JAKMIP1: variants seen among roughly 807,000 people sequenced by gnomAD.
JAKMIP1 encodes janus kinase and microtubule interacting protein 1, also known as janus kinase and microtubule-interacting protein 1.
A neutral mutation model predicts 113.0 loss-of-function variants in JAKMIP1; 33 were observed. The ratio of observed to expected loss-of-function variants is 0.29; its 90% CI spans 0.22 to 0.39. JAKMIP1 has a LOEUF of 0.39. Ranked by LOEUF, JAKMIP1 falls within the 10% of genes least tolerant of loss-of-function variation. JAKMIP1 has a pLI of 1.00. For missense variants in JAKMIP1, 813 were observed against 1,080.5 expected (o/e 0.75, Z 3.47); for synonymous variants, 480 against 459.9 (o/e 1.04, Z -0.56).
At position 6,112,732 on chromosome 4, in the gene JAKMIP1, T is replaced by C. The variant is rs1715151470; in HGVS notation, c.119A>G (p.Glu40Gly). 1.2e-6 allele frequency: 2 copies of C among 1,613,802 alleles called. No individual in the cohort carries two copies. The highest frequency in any genetic ancestry group is 1.7e-6 in the Non-Finnish European group (2 of 1,179,924). Residue 40 changes from glutamate (E) to glycine (G), a missense_variant, in exon 2 of 21, where the codon GAA (glutamate) becomes GGA (glycine). Around this residue, in one of 2 missense-constraint regions of JAKMIP1, gnomAD observed 540 missense variants for 653.9 expected, o/e 0.83. Transcript: ENST00000409021. ...LTSIQIEFQQ[E>G]KSKVGKLRER... ...GACGCCAACCCCCACCTTGCTTTTT[T>C]CCTGCTGGAACTCGATCTGAATGCT...
chr4:6,106,165 C>T lies in JAKMIP1; in HGVS notation c.130-198G>A, dbSNP rs1713912546. Among the ~76,000 whole-genome samples the T allele has an allele frequency of 6.6e-6, 1 of 152,206 alleles. No individual in the cohort carries two copies. Among genetic ancestry groups the T allele is most frequent in the African/African-American group, 2.4e-5 (1 of 41,462 alleles). ...CCAGCCCCACTTAGAATCTCTCCTG[C>T]TAGTTCCCTGAGACTTTCCCTGGGG... is the stretch of plus-strand genomic sequence containing the variant. On this transcript the variant is annotated intron_variant, in intron 2 of 20. Coordinates refer to ENST00000409021, the MANE Select transcript of JAKMIP1 (RefSeq NM_001099433.2). This position sits in a 1 kb window ranked among gnomAD's most constrained non-coding sequence, Gnocchi z 5.9.
chr4:6,036,906 G>A (rs538907952), intron 18 of JAKMIP1, among the ~76,000 whole-genome samples: 1 of 152,192 alleles, frequency 6.6e-6, no homozygotes, highest in Admixed American at 6.5e-5. Context: ...CTGAGGCAGA[G>A]GTTAACCATT....
Position 6,168,609 on chromosome 4 carries a change from G to A in JAKMIP1, c.-148+31644C>T, listed in dbSNP as rs951021548. On this transcript the variant is annotated intron_variant, in intron 1 of 20. Transcript: ENST00000409021. This position sits in a 1 kb window ranked among gnomAD's most constrained non-coding sequence, Gnocchi z 4.6. ...CTAGAATAGGGAAATCCATAGGGAT[G>A]GCCAGGCACGGTGGCTCACACCTGT... Among the ~76,000 whole-genome samples the A allele has an allele frequency of 6.6e-6, 1 of 152,140 alleles. No homozygotes were observed. The highest frequency in any genetic ancestry group is 2.4e-5 in the African/African-American group (1 of 41,414).
chr4:6,067,807 C>A lies in JAKMIP1; in HGVS notation c.1303-2799G>T, dbSNP rs960046408. ...AAGCTCTTCTGCACACGCAGGTCAC[C>A]CCCCTGAGCTCCACGTTCACTCAAG... On this transcript the variant is annotated intron_variant, in intron 8 of 20. Coordinates refer to ENST00000409021, the MANE Select transcript of JAKMIP1 (RefSeq NM_001099433.2). This position sits in a 1 kb window ranked among gnomAD's most constrained non-coding sequence, Gnocchi z 4.6. Among the ~76,000 whole-genome samples, 2 of 145,660 alleles carry A rather than the reference C, an allele frequency of 1.4e-5. No homozygotes were observed. The highest frequency in any genetic ancestry group is 1.5e-5 in the Non-Finnish European group (1 of 65,498).
At chr4:6,060,334 T>C (rs28553970) in intron 11 of JAKMIP1, 90 bp downstream of exon 11, 184,590 of 948,156 alleles carry the variant, frequency 0.19, 26,320 homozygotes, top group African/African-American at 0.65. Context: ...CCCCACAGAA[T>C]GTCCCCCTTG....
rs930850889 is a variant in JAKMIP1, at chr4:6,181,158, T to C, written c.-148+19095A>G. Among the ~76,000 whole-genome samples, 4 of 152,166 alleles carry C rather than the reference T, an allele frequency of 2.6e-5. No homozygotes were observed. The highest frequency in any genetic ancestry group is 9.7e-5 in the African/African-American group (4 of 41,426). ...GTGTGGGCTTGATATGACTAGATGC[T>C]GAACAGGGCGCTCCTTGACAGACAC... On this transcript the variant is annotated intron_variant, in intron 1 of 20. Transcript: ENST00000409021. This position sits in a 1 kb window ranked among gnomAD's most constrained non-coding sequence, Gnocchi z 5.4.
At position 6,153,900 on chromosome 4, in the gene JAKMIP1, A is replaced by C. The variant is rs1721913059; in HGVS notation, c.-147-40903T>G. 6.6e-6 allele frequency among the ~76,000 whole-genome samples: 1 copy of C among 152,232 alleles called. No homozygotes were observed. The highest frequency in any genetic ancestry group is 1.5e-5 in the Non-Finnish European group (1 of 68,044). On this transcript the variant is annotated intron_variant, in intron 1 of 20. Transcript: ENST00000409021. This position sits in a 1 kb window ranked among gnomAD's most constrained non-coding sequence, Gnocchi z 4.9. ...ACACTGGTGAGCACTCTCACTGAGA[A>C]ATGCGGAACCAGCTACCCGCTCCCT... is the stretch of plus-strand genomic sequence containing the variant.
chr4:6,125,139 C>T (rs11723912), intron 1 of JAKMIP1, among the ~76,000 whole-genome samples: 137,323 of 152,170 alleles, frequency 0.9, 62,192 homozygotes, highest in East Asian at 0.97. Context: ...GGGATGTGTG[C>T]GTTTCTGCAT....
chr4:6,178,135 G>A lies in JAKMIP1; in HGVS notation c.-148+22118C>T, dbSNP rs1267474833. On this transcript the variant is annotated intron_variant, in intron 1 of 20. Transcript: ENST00000409021. The surrounding 1 kb of genome is among the most constrained non-coding windows in gnomAD (Gnocchi z 5.5). ...CCTGGAGGGGAGGGATAGGAAAGAA[G>A]GAAACAGAAGCCCAAGGCTTTGATA... Among the ~76,000 whole-genome samples, 1 of 152,206 alleles carries A rather than the reference G, an allele frequency of 6.6e-6. No individual in the cohort carries two copies. Among genetic ancestry groups the A allele is most frequent in the Non-Finnish European group, 1.5e-5 (1 of 68,044 alleles).
chr4:6,063,460 G>C (rs892106618), intron 9 of JAKMIP1, among the ~76,000 whole-genome samples: 7 of 152,222 alleles, frequency 4.6e-5, no homozygotes, highest in Non-Finnish European at 8.8e-5. Context: ...CCCTGTGCAG[G>C]ACAGGCTGAT....
rs1374181416 is a variant in JAKMIP1 at position 6,143,253 on chromosome 4, T to C, written c.-147-30256A>G. 6.6e-6 allele frequency among the ~76,000 whole-genome samples: 1 copy of C among 152,244 alleles called. No individual in the cohort carries two copies. Among genetic ancestry groups the C allele is most frequent in the South Asian group, 2.1e-4 (1 of 4,826 alleles). On this transcript the variant is annotated intron_variant, in intron 1 of 20. Coordinates refer to ENST00000409021, the MANE Select transcript of JAKMIP1 (RefSeq NM_001099433.2). The surrounding 1 kb of genome is among the most constrained non-coding windows in gnomAD (Gnocchi z 4.9). ...GCACTATCTTAATTTTTGTTTTTAT[T>C]TTCCTTTGGATACATTCTAAAAGCT...
chr4:6,042,376 T>C lies in JAKMIP1; in HGVS notation c.2029-149A>G, dbSNP rs969296522. On this transcript the variant is annotated intron_variant, in intron 16 of 20. Coordinates refer to ENST00000409021, the MANE Select transcript of JAKMIP1 (RefSeq NM_001099433.2). The surrounding 1 kb of genome is among the most constrained non-coding windows in gnomAD (Gnocchi z 5.2). The stretch of plus-strand genomic sequence containing the variant: ...CAGGTCATGGCACACACATGCCTGA[T>C]CTGTGGATGGCGTGGTTGTGTGTGC... 1.8e-5 allele frequency: 12 copies of C among 669,672 alleles called. No individual in the cohort carries two copies. The highest frequency in any genetic ancestry group is 3.2e-5 in the Non-Finnish European group (12 of 374,454). The allele number at this position is 669,672 out of a possible 1,614,324, so 41.5% of individuals were successfully genotyped here.
rs1362680514 is a variant in JAKMIP1, at chr4:6,179,471, C to T, written c.-148+20782G>A. On this transcript the variant is annotated intron_variant, in intron 1 of 20. Coordinates refer to ENST00000409021, the MANE Select transcript of JAKMIP1 (RefSeq NM_001099433.2). This position sits in a 1 kb window ranked among gnomAD's most constrained non-coding sequence, Gnocchi z 4.5. Reference sequence around the variant, plus strand: ...CATCCACCACCACCTCCTTCCTCTACCTTCCTGACACCCCCTACAGGCACC... The same window carrying T: ...CATCCACCACCACCTCCTTCCTCTATCTTCCTGACACCCCCTACAGGCACC... Among the ~76,000 whole-genome samples the T allele has an allele frequency of 6.6e-6, 1 of 152,218 alleles. No homozygotes were observed. The highest frequency in any genetic ancestry group is 1.5e-5 in the Non-Finnish European group (1 of 68,048).
In JAKMIP1 at chr4:6,193,368, A is replaced by G. The variant is rs1727491967; in HGVS notation, c.-148+6885T>C. 6.6e-6 allele frequency among the ~76,000 whole-genome samples: 1 copy of G among 152,176 alleles called. No homozygotes were observed. The highest frequency in any genetic ancestry group is 2.4e-5 in the African/African-American group (1 of 41,432). On this transcript the variant is annotated intron_variant, in intron 1 of 20. Transcript: ENST00000409021. This position sits in a 1 kb window ranked among gnomAD's most constrained non-coding sequence, Gnocchi z 6.4. The stretch of plus-strand genomic sequence containing the variant: ...ACTTTACCTTGTGATCGGTGAGTCA[A>G]TTCTCCTTAATAAACTCCTTTTCAT...
At chr4:6,126,420 G>T (rs1717642754) in intron 1 of JAKMIP1, among the ~76,000 whole-genome samples, 1 of 137,584 alleles carries the variant, frequency 7.3e-6, no homozygotes, top group African/African-American at 2.9e-5. Context: ...ACACCGTACA[G>T]AAACACACAC....
At chr4:6,126,969 C>T (rs965590781) in intron 1 of JAKMIP1, among the ~76,000 whole-genome samples, 2 of 151,940 alleles carry the variant, frequency 1.3e-5, no homozygotes, top group East Asian at 3.9e-4. Flanking sequence ...ACACACACCA[C>T]ACCATACATA....
At position 6,097,812 on chromosome 4, in the gene JAKMIP1, G is replaced by C. The variant is rs1352550993; in HGVS notation, c.624+7661C>G. Among the ~76,000 whole-genome samples, 1 of 152,186 alleles carries C rather than the reference G, an allele frequency of 6.6e-6. No individual in the cohort carries two copies. The highest frequency in any genetic ancestry group is 1.5e-5 in the Non-Finnish European group (1 of 68,036). On this transcript the variant is annotated intron_variant, in intron 3 of 20. Coordinates refer to ENST00000409021, the MANE Select transcript of JAKMIP1 (RefSeq NM_001099433.2). The surrounding 1 kb of genome is among the most constrained non-coding windows in gnomAD (Gnocchi z 4.3). Reference sequence around the variant, plus strand: ...GGCCCACGCTTCCTTAGGCAGCTTGGAGAAACGCAATCTGGTTCCCTTGAT... The same window carrying C: ...GGCCCACGCTTCCTTAGGCAGCTTGCAGAAACGCAATCTGGTTCCCTTGAT...
chr4:6,174,641 T>C (rs895013545), intron 1 of JAKMIP1, among the ~76,000 whole-genome samples: 21 of 152,226 alleles, frequency 1.4e-4, no homozygotes, highest in African/African-American at 5.1e-4. Context: ...TTTCCCCATC[T>C]CTAGAGCCTT....
rs1560218333 is a variant in JAKMIP1 at position 6,119,027 on chromosome 4, A to G, written c.-147-6030T>C. On this transcript the variant is annotated intron_variant, in intron 1 of 20. Coordinates refer to ENST00000409021, the MANE Select transcript of JAKMIP1 (RefSeq NM_001099433.2). ...CAAGCGAAGTCAGGGAAGAGACCGG[A>G]GCACTGCGGCCACACCAGGGAAGCC... 2.0e-5 allele frequency among the ~76,000 whole-genome samples: 3 copies of G among 152,184 alleles called. No individual in the cohort carries two copies. In the East Asian group the frequency reaches 5.8e-4, roughly 29 times the overall value.
Sources: gnomAD v4.1 joint callset for allele counts (sites outside exome capture counted in the v4.1 genomes callset) on GRCh38, gnomAD v4.1.1 for gene constraint, gnomAD v4.1.1 regional missense constraint, Gnocchi (gnomAD v3.1) non-coding constraint, MANE v1.5 for transcripts, NCBI Gene and HGNC (gene_info 2026-07-23, HGNC 2026-07-21) for gene names.